TLK1: variants seen among roughly 807,000 people sequenced by gnomAD.
The protein encoded by TLK1 is serine/threonine-protein kinase tousled-like 1.
A neutral mutation model predicts 105.3 loss-of-function variants in TLK1; 24 were observed. The ratio of observed to expected loss-of-function variants is 0.23; its 90% CI spans 0.17 to 0.32. TLK1 has a LOEUF of 0.32. TLK1 is among the 10% of genes least tolerant of loss of function. TLK1 has a pLI of 1.00. For missense variants in TLK1, 558 were observed against 910.5 expected, an observed-to-expected ratio of 0.61 and a Z score of 4.98; for synonymous variants, 321 against 310.4, an observed-to-expected ratio of 1.03 and a Z score of -0.36.
intron 1 of TLK1, among the ~76,000 whole-genome samples, chr2:171,194,820 G>GAAAAA (rs370489277): frequency 3.2e-5 from 3 of 94,406 alleles, no homozygotes; most frequent in African/African-American, 4.6e-5. Context: ...CCGTCTCAGG[G>GAAAAA]AAAAAAAAAA....
At chr2:171,179,454 T>C (rs913043994) in intron 1 of TLK1, among the ~76,000 whole-genome samples, 1 of 152,178 alleles carries the variant, frequency 6.6e-6, no homozygotes, top group African/African-American at 2.4e-5. Context: ...TCTAGAGAGC[T>C]TTCAGAGGTT....
At chr2:170,997,293 A>T (rs1218041248) in intron 19 of TLK1, among the ~76,000 whole-genome samples, 1 of 152,166 alleles carries the variant, frequency 6.6e-6, no homozygotes, top group African/African-American at 2.4e-5. Flanking sequence ...ATATAAAAAG[A>T]AGTTGGGAAA....
At chr2:171,009,730 G>A (rs1356289793) in intron 14 of TLK1, among the ~76,000 whole-genome samples, 1 of 152,124 alleles carries the variant, frequency 6.6e-6, no homozygotes, top group Non-Finnish European at 1.5e-5. Context: ...CTCAGAAGGA[G>A]CCAATGAGTC....
chr2:171,032,057 G>A (rs971262606), intron 11 of TLK1, among the ~76,000 whole-genome samples: 9 of 151,852 alleles, frequency 5.9e-5, no homozygotes, highest in Non-Finnish European at 1.0e-4. Flanking sequence ...CTGTACTCCA[G>A]CCTGGGCAAC....
At chr2:171,075,790 A>G (rs1338355105) in intron 3 of TLK1, among the ~76,000 whole-genome samples, 3 of 152,224 alleles carry the variant, frequency 2.0e-5, no homozygotes, top group Non-Finnish European at 4.4e-5. Flanking sequence ...CAAATGAGCT[A>G]GAAGATACAT....
intron 1 of TLK1, among the ~76,000 whole-genome samples, chr2:171,144,360 A>G (rs555637557): frequency 6.6e-6 from 1 of 152,306 alleles, no homozygotes; most frequent in East Asian, 1.9e-4. Context: ...CCAACAACAC[A>G]ATACACATTT....
At chr2:171,177,747 T>C (rs1202255884) in intron 1 of TLK1, among the ~76,000 whole-genome samples, 1 of 152,240 alleles carries the variant, frequency 6.6e-6, no homozygotes, top group Non-Finnish European at 1.5e-5. Flanking sequence ...TAGTGCATTT[T>C]TGAACAAAAA....
At chr2:171,021,432 ACTTTTTTTTTTTTTTTTT>A (rs1400750685) in intron 12 of TLK1, among the ~76,000 whole-genome samples, 2 of 110,342 alleles carry the variant, frequency 1.8e-5, no homozygotes, top group African/African-American at 3.8e-5. Context: ...TCCCGCCCCG[ACTTTTTTTTTTTTTTTTT>A]TTTTTTTTTT....
At chr2:171,200,428 A>G (rs984729167) in intron 1 of TLK1, among the ~76,000 whole-genome samples, 2 of 152,164 alleles carry the variant, frequency 1.3e-5, no homozygotes, top group African/African-American at 4.8e-5. Context: ...CCTTTCTTTG[A>G]ACTGTTAGAA....
chr2:171,200,032 T>C (rs1281030480), intron 1 of TLK1, among the ~76,000 whole-genome samples: 1 of 152,206 alleles, frequency 6.6e-6, no homozygotes, highest in Non-Finnish European at 1.5e-5. Flanking sequence ...ACCTCTAGCA[T>C]AAATGTGAGA....
At chr2:171,190,366 T>C (rs972119983) in intron 1 of TLK1, among the ~76,000 whole-genome samples, 2 of 152,234 alleles carry the variant, frequency 1.3e-5, no homozygotes, top group Non-Finnish European at 2.9e-5. Flanking sequence ...TAAAGCTTAC[T>C]GTCAAGCCAC....
intron 1 of TLK1, among the ~76,000 whole-genome samples, chr2:171,189,444 A>G (rs979088329): frequency 1.3e-5 from 2 of 152,144 alleles, no homozygotes; most frequent in Non-Finnish European, 2.9e-5. Context: ...GGATTATGAT[A>G]GTACAATTTT....
chr2:171,140,156 A>G (rs1691513753), intron 1 of TLK1, among the ~76,000 whole-genome samples: 1 of 152,156 alleles, frequency 6.6e-6, no homozygotes, highest in African/African-American at 2.4e-5. Flanking sequence ...GAGTGAGAGA[A>G]GAAGAGCGTG....
rs534544934 is a variant in TLK1 at position 171,068,478 on chromosome 2, C to A, written c.331-7322G>T. ...TGTGACCATACCCAGTTTCTTTGTT[C>A]TTTTTTTAAATTGCTCTATCATATC... On this transcript the variant is annotated intron_variant, in intron 3 of 20. Coordinates refer to ENST00000431350, the MANE Select transcript of TLK1 (RefSeq NM_012290.5). Among the ~76,000 whole-genome samples the A allele has an allele frequency of 1.2e-4, 19 of 152,234 alleles. 1 individual carries two copies. The South Asian group carries it at 3.9e-3, about 32-fold the overall frequency.
chr2:171,004,503 T>C (rs1193304463), intron 18 of TLK1, among the ~76,000 whole-genome samples: 1 of 152,206 alleles, frequency 6.6e-6, no homozygotes, highest in East Asian at 1.9e-4. Flanking sequence ...TCCATGTTCC[T>C]ATAGAACAAT....
chr2:171,211,565 TTG>T (rs1693613082), intron 1 of TLK1, among the ~76,000 whole-genome samples: 2 of 152,152 alleles, frequency 1.3e-5, no homozygotes, highest in Non-Finnish European at 2.9e-5. Context: ...CTTTTTTTTT[TTG>T]AGATTAGAGT....
chr2:171,089,813 A>G (rs986069709), intron 2 of TLK1, among the ~76,000 whole-genome samples: 12 of 152,164 alleles, frequency 7.9e-5, no homozygotes, highest in African/African-American at 2.9e-4. Context: ...AGCTGGGATT[A>G]CGGGCACAAG....
intron 1 of TLK1, among the ~76,000 whole-genome samples, chr2:171,169,387 G>T (rs1433469169): frequency 1.3e-5 from 2 of 152,030 alleles, no homozygotes; most frequent in Non-Finnish European, 2.9e-5. Context: ...GAATAAAGCA[G>T]CATAAAATAT....
chr2:171,185,128 C>T (rs1308243200), intron 1 of TLK1, among the ~76,000 whole-genome samples: 5 of 152,166 alleles, frequency 3.3e-5, no homozygotes, highest in Admixed American at 1.3e-4. Context: ...CGTGAGCCAC[C>T]GAGCCCGGCC....
Sources: allele counts gnomAD v4.1 joint callset (sites outside exome capture counted in the v4.1 genomes callset), GRCh38; gene constraint gnomAD v4.1.1; transcripts MANE v1.5; gene names NCBI Gene and HGNC (gene_info 2026-07-23, HGNC 2026-07-21).